Variants in GPHN observed in about 807,000 individuals in gnomAD.
GPHN encodes the protein gephyrin.
GPHN carries 17 observed loss-of-function variants against 95.5 expected under a neutral mutation model. The observed-to-expected ratio is 0.18, with a 90% CI of 0.12 to 0.27. The LOEUF (loss-of-function observed/expected upper bound fraction) is 0.27. Ranked by LOEUF, GPHN falls within the 10% of genes least tolerant of loss-of-function variation. The pLI is 1.00. For missense variants in GPHN, 660 were observed against 978.1 expected (o/e 0.67, Z 4.34); for synonymous variants, 320 against 322.5 (o/e 0.99, Z 0.08).
chr14:66,623,353 G>T (rs546490608), intron 1 of GPHN, among the ~76,000 whole-genome samples: 1 of 152,240 alleles, frequency 6.6e-6, no homozygotes, highest in South Asian at 2.1e-4. Context: ...GATGAGATTT[G>T]GGTGGGGACA....
At chr14:66,819,992 A>G (rs2061128278) in intron 3 of GPHN, among the ~76,000 whole-genome samples, 1 of 152,158 alleles carries the variant, frequency 6.6e-6, no homozygotes, top group South Asian at 2.1e-4. Context: ...ACTTTGAAAT[A>G]ACTGTTTTTT....
intron 10 of GPHN, among the ~76,000 whole-genome samples, chr14:67,024,797 T>C (rs113558777): frequency 0.019 from 2,833 of 152,288 alleles, 39 homozygotes; most frequent in African/African-American, 0.026. Flanking sequence ...CACATGGCCA[T>C]GGAGTGCTCA....
chr14:66,717,441 C>T (rs573667308), intron 2 of GPHN, among the ~76,000 whole-genome samples: 1 of 152,154 alleles, frequency 6.6e-6, no homozygotes, highest in African/African-American at 2.4e-5. Flanking sequence ...TGGGCTTCGC[C>T]TTTCTCTGGT....
At chr14:67,056,736 C>T (rs2075589062) in intron 10 of GPHN, among the ~76,000 whole-genome samples, 1 of 152,134 alleles carries the variant, frequency 6.6e-6, no homozygotes, top group Non-Finnish European at 1.5e-5. Context: ...CACACTCAGC[C>T]CTTGGGCAGT....
the GPHN span, among the ~76,000 whole-genome samples, chr14:67,229,488 T>C: frequency 6.6e-6 from 1 of 152,204 alleles, no homozygotes; most frequent in Non-Finnish European, 1.5e-5. Context: ...TTTTAATAAA[T>C]GTAAATTCTA....
the GPHN span, among the ~76,000 whole-genome samples, chr14:67,394,049 T>TC: frequency 6.6e-6 from 1 of 152,128 alleles, no homozygotes; most frequent in Non-Finnish European, 1.5e-5. Flanking sequence ...GCCTCTCAGC[T>TC]CCCCTTGCAG....
In GPHN at chr14:66,508,578, C is replaced by G. The variant is rs757688538; in HGVS notation, c.51C>G (p.Val17=). The G allele has an allele frequency of 6.2e-7, 1 of 1,613,800 alleles. No individual in the cohort carries two copies. The highest frequency in any genetic ancestry group is 1.1e-5 in the South Asian group (1 of 91,082). Reference sequence around the variant, plus strand: ...CTAACCACGACCATCAAATCCGTGTCGGAGTCCTTACAGGTAACCGGGGGA... The same window carrying G: ...CTAACCACGACCATCAAATCCGTGTGGGAGTCCTTACAGGTAACCGGGGGA... ...ILTNHDHQIR[V]GVLTVSDSCF... The change falls in exon 1 of 23, where the codon GTC becomes GTG. Residue 17 remains valine, a synonymous_variant. Coordinates refer to ENST00000478722, the MANE Select transcript of GPHN (RefSeq NM_020806.5).
chr14:67,551,948 A>T, the GPHN span, among the ~76,000 whole-genome samples: 1 of 152,088 alleles, frequency 6.6e-6, no homozygotes, highest in Non-Finnish European at 1.5e-5. Context: ...CTCTTGGCTC[A>T]GGCCACTGCT....
chr14:66,721,812 A>G (rs1024005609), intron 2 of GPHN, among the ~76,000 whole-genome samples: 1 of 151,966 alleles, frequency 6.6e-6, no homozygotes, highest in Admixed American at 6.6e-5. Flanking sequence ...TTAGCTGGGC[A>G]TGTTAGTGCC....
At chr14:66,745,788 AT>A (rs1348460999) in intron 2 of GPHN, among the ~76,000 whole-genome samples, 6 of 151,910 alleles carry the variant, frequency 3.9e-5, no homozygotes, top group African/African-American at 7.2e-5. Context: ...TTGAATTTTT[AT>A]TTTTTTAAAA....
the GPHN span, chr14:67,382,569 T>A: frequency 6.2e-7 from 1 of 1,613,078 alleles, no homozygotes; most frequent in Non-Finnish European, 8.5e-7. Context: ...AAAAGAGGGG[T>A]GTGTTCAATG....
chr14:67,177,365 A>C (rs1442886456), intron 21 of GPHN, among the ~76,000 whole-genome samples: 3 of 152,288 alleles, frequency 2.0e-5, no homozygotes, highest in Non-Finnish European at 4.4e-5. Context: ...CAGGTTGTTC[A>C]GTTTCCATGT....
intron 1 of GPHN, among the ~76,000 whole-genome samples, chr14:66,520,918 C>G (rs1318335612): frequency 6.6e-6 from 1 of 151,978 alleles, no homozygotes; most frequent in Non-Finnish European, 1.5e-5. Flanking sequence ...TCCATGAGTT[C>G]TTTTAGCCCC....
intron 8 of GPHN, among the ~76,000 whole-genome samples, chr14:66,952,933 ATCT>A (rs2068204925): frequency 6.6e-6 from 1 of 151,688 alleles, no homozygotes; most frequent in Non-Finnish European, 1.5e-5. Flanking sequence ...TGACCTCATG[ATCT>A]TCCAGCCTCG....
At chr14:67,282,347 A>G in the GPHN span, among the ~76,000 whole-genome samples, 1 of 152,138 alleles carries the variant, frequency 6.6e-6, no homozygotes, top group Non-Finnish European at 1.5e-5. Context: ...TAGAAACAGC[A>G]ACCTTATTTT....
the GPHN span, chr14:67,562,951 T>A: frequency 7.0e-5 from 108 of 1,543,214 alleles, 1 homozygote; most frequent in Non-Finnish European, 7.9e-5. Context: ...AGAACACTGC[T>A]GGCTGAGCAC....
intron 14 of GPHN, among the ~76,000 whole-genome samples, chr14:67,111,184 T>G (rs1446865712): frequency 6.6e-6 from 1 of 152,194 alleles, no homozygotes; most frequent in Non-Finnish European, 1.5e-5. Context: ...CTTATAAAAT[T>G]CAACCCTTGG....
the GPHN span, chr14:67,574,152 G>C: frequency 8.3e-7 from 1 of 1,202,610 alleles, no homozygotes; most frequent in East Asian, 2.5e-5. The surrounding 1 kb of genome is among the most constrained non-coding windows in gnomAD (Gnocchi z 4.2). Flanking sequence ...CAGCCCCTTG[G>C]GTTCAGGGAC....
At chr14:66,834,692 T>C (rs1452076552) in intron 4 of GPHN, among the ~76,000 whole-genome samples, 1 of 152,026 alleles carries the variant, frequency 6.6e-6, no homozygotes, top group Non-Finnish European at 1.5e-5. Context: ...TCAATGTTCA[T>C]CAAGGGTATT....
Sources: allele counts gnomAD v4.1 joint callset (sites outside exome capture counted in the v4.1 genomes callset), GRCh38; gene constraint gnomAD v4.1.1; non-coding constraint Gnocchi (gnomAD v3.1); transcripts MANE v1.5; gene names NCBI Gene and HGNC (gene_info 2026-07-23, HGNC 2026-07-21).